Variants in POMK observed in about 807,000 individuals in gnomAD.
POMK encodes the protein Sugen kinase 196.
A neutral mutation model predicts 23.0 loss-of-function variants in POMK; 19 were observed. That is an observed-to-expected ratio of 0.83 (90% CI 0.58 to 1.21). The LOEUF (loss-of-function observed/expected upper bound fraction) is 1.21. POMK is among the 50% of genes most tolerant of loss of function. POMK has a pLI of 0.00. For synonymous variants in POMK, 173 were observed against 171.6 expected, an observed-to-expected ratio of 1.01 and a Z score of -0.06; for missense variants, 410 against 431.3, an observed-to-expected ratio of 0.95 and a Z score of 0.44.
intron 3 of POMK, among the ~76,000 whole-genome samples, chr8:43,103,101 C>T (rs901433527): frequency 5.3e-5 from 8 of 152,192 alleles, no homozygotes; most frequent in East Asian, 1.9e-4. Flanking sequence ...TAGCTGAGTT[C>T]GACAGAGGCC....
At position 43,094,724 on chromosome 8, in the gene POMK, G is replaced by C. The variant is rs573440671; in HGVS notation, c.-210+1161G>C. ...AGTTGTAGAAAATATCTTGTAAGTC[G>C]GTAAAAACTAGTTTTGTCCCTTTGC... On this transcript the variant is annotated intron_variant, in intron 1 of 4. Transcript: ENST00000331373. 3.9e-5 allele frequency among the ~76,000 whole-genome samples: 6 copies of C among 152,202 alleles called. No homozygotes were observed. In the East Asian group the frequency reaches 1.2e-3, roughly 29 times the overall value.
chr8:43,107,833 G>A (rs948832248), intron 4 of POMK, among the ~76,000 whole-genome samples: 10 of 151,974 alleles, frequency 6.6e-5, no homozygotes, highest in Non-Finnish European at 1.0e-4. Context: ...GGTGCACGTC[G>A]CCATGCCTGG....
chr8:43,102,861 C>A (rs1393227789), intron 3 of POMK, among the ~76,000 whole-genome samples: 2 of 152,210 alleles, frequency 1.3e-5, no homozygotes, highest in African/African-American at 4.8e-5. Context: ...GGTTACTTAT[C>A]GCTGGTGTGA....
intron 4 of POMK, among the ~76,000 whole-genome samples, chr8:43,115,483 A>G (rs1811779044): frequency 1.3e-5 from 2 of 152,074 alleles, no homozygotes; most frequent in African/African-American, 2.4e-5. Context: ...TATCTTGTCA[A>G]TATCCTGACC....
At chr8:43,115,083 C>G (rs1811769563) in intron 4 of POMK, among the ~76,000 whole-genome samples, 1 of 152,154 alleles carries the variant, frequency 6.6e-6, no homozygotes, top group Non-Finnish European at 1.5e-5. Flanking sequence ...TTTTGTGTAA[C>G]CTTTGGGAGG....
chr8:43,121,769 T>C (rs933117224), intron 4 of POMK, among the ~76,000 whole-genome samples: 1 of 152,216 alleles, frequency 6.6e-6, no homozygotes, highest in Admixed American at 6.5e-5. Flanking sequence ...AGCACTCCCC[T>C]GCCCTACATT....
chr8:43,106,509 CTTTTTTTTT>C (rs1221471764), intron 4 of POMK, among the ~76,000 whole-genome samples: 1 of 115,218 alleles, frequency 8.7e-6, no homozygotes, highest in African/African-American at 3.2e-5. Flanking sequence ...TTTACTTTTG[CTTTTTTTTT>C]TTTTTTTTTT....
chr8:43,104,834 G>A (rs1013867010), intron 4 of POMK, among the ~76,000 whole-genome samples: 2 of 152,068 alleles, frequency 1.3e-5, no homozygotes, highest in African/African-American at 4.8e-5. Flanking sequence ...GGGAAGCTCA[G>A]GTGGGAGAAT....
At chr8:43,118,839 T>G (rs147715391) in intron 4 of POMK, among the ~76,000 whole-genome samples, 237 of 152,316 alleles carry the variant, frequency 1.6e-3, no homozygotes, top group African/African-American at 5.4e-3. Flanking sequence ...AGTCTCGCTC[T>G]GTTGCCCAGG....
At chr8:43,109,111 A>C (rs1196912561) in intron 4 of POMK, among the ~76,000 whole-genome samples, 1 of 152,214 alleles carries the variant, frequency 6.6e-6, no homozygotes, top group Non-Finnish European at 1.5e-5. Flanking sequence ...AATTTTTAAA[A>C]ATTTTTTATT....
intron 4 of POMK, among the ~76,000 whole-genome samples, chr8:43,118,565 G>T (rs1811848797): frequency 6.6e-6 from 1 of 152,118 alleles, no homozygotes; most frequent in African/African-American, 2.4e-5. Context: ...CCAAATAAAA[G>T]TCTTTTAGAA....
chr8:43,109,950 C>T (rs1811616579), intron 4 of POMK, among the ~76,000 whole-genome samples: 2 of 152,212 alleles, frequency 1.3e-5, no homozygotes, highest in South Asian at 2.1e-4. Context: ...TTCCAATTTC[C>T]AATTTATGGA....
rs150669524 is a variant in POMK, at chr8:43,103,919, C to T, written c.282+89C>T. 562 of 1,334,352 alleles carry T rather than the reference C, an allele frequency of 4.2e-4. 4 individuals are homozygous for T. The East Asian group carries it at 0.011, about 27-fold the overall frequency. 82.7% of individuals were successfully genotyped at this position (1,334,352 alleles called of 1,614,324 possible). ...GCTCCATCCATGCTGGCACGGATTA[C>T]GGAATTTCATCCTTTGTTACTGCCA... On this transcript the variant is annotated intron_variant, in intron 4 of 4. Transcript: ENST00000331373.
intron 1 of POMK, among the ~76,000 whole-genome samples, chr8:43,094,047 C>T (rs1442204613): frequency 6.6e-6 from 1 of 152,244 alleles, no homozygotes; most frequent in African/African-American, 2.4e-5. Context: ...CACTGCACTT[C>T]AGCCTGGGGG....
Position 43,103,584 on chromosome 8 carries a change from C to T in POMK, c.36C>T (p.Leu12=), listed in dbSNP as rs146156391. ...AGCCCCAGAACAGCAGGAGAGGCCT[C>T]GCCCCCCGAGAGGTGCCGCCAGCTG... The part of the protein sequence containing the change: ...EKQPQNSRRG[L]APREVPPAVG... Residue 12 remains leucine, a synonymous_variant, in exon 4 of 5, where the codon CTC becomes CTT. Coordinates refer to ENST00000331373, the MANE Select transcript of POMK (RefSeq NM_032237.5). 1.7e-5 allele frequency: 27 copies of T among 1,614,060 alleles called. No individual in the cohort carries two copies. The highest frequency in any genetic ancestry group is 6.7e-5 in the African/African-American group (5 of 74,906).
rs550067621 is a variant in POMK, at chr8:43,115,369, G to A, written c.283-6738G>A. ...AGCTGCCTACCCGACATGTACCTGG[G>A]GTTTCTGAGAGGCTTCTCAAACTCA... is the stretch of plus-strand genomic sequence containing the variant. On this transcript the variant is annotated intron_variant, in intron 4 of 4. Transcript: ENST00000331373. Among the ~76,000 whole-genome samples, 14 of 152,190 alleles carry A rather than the reference G, an allele frequency of 9.2e-5. No homozygotes were observed. The South Asian group carries it at 2.9e-3, about 32-fold the overall frequency.
rs1405418171 is a variant in POMK at position 43,103,416 on chromosome 8, A to G, written c.-21-112A>G. 5.2e-6 allele frequency: 5 copies of G among 956,118 alleles called. No individual in the cohort carries two copies. In the East Asian group the frequency reaches 1.2e-4, roughly 23 times the overall value. The allele number at this position is 956,118 out of a possible 1,614,324, so 59.2% of individuals were successfully genotyped here. ...CGATACCTGCTTTAATCCCCACGGTAACGCTGCAGCTTACAGGACCCTTGA... is the reference window on the plus strand; with the variant it reads ...CGATACCTGCTTTAATCCCCACGGTGACGCTGCAGCTTACAGGACCCTTGA... On this transcript the variant is annotated intron_variant, in intron 3 of 4. Coordinates refer to ENST00000331373, the MANE Select transcript of POMK (RefSeq NM_032237.5).
At chr8:43,100,769 G>C (rs1345494192) in intron 2 of POMK, among the ~76,000 whole-genome samples, 2 of 152,004 alleles carry the variant, frequency 1.3e-5, no homozygotes, top group Non-Finnish European at 1.5e-5. Flanking sequence ...GAGGATTGTG[G>C]ATCTCTGTGA....
intron 4 of POMK, among the ~76,000 whole-genome samples, chr8:43,107,310 AT>A (rs1223295044): frequency 6.6e-6 from 1 of 152,034 alleles, no homozygotes; most frequent in Non-Finnish European, 1.5e-5. Context: ...GATAGGACTG[AT>A]TTGTTGGCAA....
Sources: allele counts gnomAD v4.1 joint callset (sites outside exome capture counted in the v4.1 genomes callset), GRCh38; gene constraint gnomAD v4.1.1; transcripts MANE v1.5; gene names NCBI Gene and HGNC (gene_info 2026-07-23, HGNC 2026-07-21).